Variants in ZNF558 observed in about 807,000 individuals in gnomAD.
ZNF558 encodes zinc finger protein 558.
ZNF558 carries 23 observed loss-of-function variants against 37.6 expected under a neutral mutation model. The ratio of observed to expected loss-of-function variants is 0.61; its 90% CI spans 0.44 to 0.87. ZNF558 has a LOEUF of 0.87. Among genes scored for constraint, ZNF558 ranks in the 40% least tolerant of loss-of-function variants. The pLI, the probability that ZNF558 is intolerant of heterozygous loss-of-function variation, is 0.00. For missense variants in ZNF558, 429 were observed against 483.7 expected, an observed-to-expected ratio of 0.89 and a Z score of 1.06; for synonymous variants, 189 against 174.4, an observed-to-expected ratio of 1.08 and a Z score of -0.66.
upstream of ZNF558, among the ~76,000 whole-genome samples, chr19:8,833,971 G>A (rs2044422411): frequency 6.6e-6 from 1 of 151,568 alleles, no homozygotes; most frequent in Non-Finnish European, 1.5e-5. Flanking sequence ...CCCGGGTGAC[G>A]AGCAAGACTC....
At chr19:8,820,782 T>G (rs1266763660) in intron 7 of ZNF558, among the ~76,000 whole-genome samples, 2 of 152,206 alleles carry the variant, frequency 1.3e-5, no homozygotes, top group Non-Finnish European at 2.9e-5. Context: ...GGCCCATAGC[T>G]AAGTTTTTAA....
At chr19:8,818,074 T>G (rs1050269127) in intron 7 of ZNF558, among the ~76,000 whole-genome samples, 4 of 152,190 alleles carry the variant, frequency 2.6e-5, no homozygotes, top group African/African-American at 7.2e-5. Context: ...AGATTATATG[T>G]TAGGCTATAA....
chr19:8,825,586 A>G (rs1039413541), intron 2 of ZNF558, among the ~76,000 whole-genome samples: 1 of 150,680 alleles, frequency 6.6e-6, no homozygotes, highest in Admixed American at 6.5e-5. Context: ...TCCTTTCTCC[A>G]GATTTATAGA....
In ZNF558 at chr19:8,822,797, A is replaced by T; in HGVS notation, c.-65-73T>A. ...GGGCTGCTGGGGATGGGCCCTCCTC[A>T]ACCCATCCTTCCCATCCTTCTTCAA... On this transcript the variant is annotated intron_variant, in intron 4 of 9. Transcript: ENST00000601372. The surrounding 1 kb of genome is among the most constrained non-coding windows in gnomAD (Gnocchi z 4.4). 1 of 1,319,404 alleles carries T rather than the reference A, an allele frequency of 7.6e-7. No individual in the cohort carries two copies. Among genetic ancestry groups the T allele is most frequent in the Non-Finnish European group, 1.1e-6 (1 of 935,996 alleles). The allele number at this position is 1,319,404 out of a possible 1,614,324, so 81.7% of individuals were successfully genotyped here. A position where few individuals can be genotyped will look rare whatever the true frequency, so the allele number is the denominator to read the frequency against.
rs2145259152 is a variant in ZNF558, at chr19:8,822,610, T to C, written c.31+19A>G. 1 of 1,614,008 alleles carries C rather than the reference T, an allele frequency of 6.2e-7. No homozygotes were observed. Among genetic ancestry groups the C allele is most frequent in the Non-Finnish European group, 8.5e-7 (1 of 1,179,956 alleles). On this transcript the variant is annotated intron_variant, in intron 5 of 9. Coordinates refer to ENST00000601372, the MANE Select transcript of ZNF558 (RefSeq NM_144693.3). The surrounding 1 kb of genome is among the most constrained non-coding windows in gnomAD (Gnocchi z 4.4). ...TTTCAAGGCTGGACTCTGAGAAATG[T>C]CAGGACCCCACGACTCACCAGCAGT... is the stretch of plus-strand genomic sequence containing the variant.
At position 8,831,335 on chromosome 19, in the gene ZNF558, CACA is replaced by C. The variant is rs1210881445; in HGVS notation, c.-529_-527del. 5 of 151,928 alleles carry C rather than the reference CACA, an allele frequency of 3.3e-5. No homozygotes were observed. The highest frequency in any genetic ancestry group is 4.4e-5 in the Non-Finnish European group (3 of 68,018). The allele number at this position is 151,928 out of a possible 1,614,324, so 9.4% of individuals were successfully genotyped here. ...GTACTCACCTGGTCACCCAAAAACC[CACA>C]ACAACAGGTGGACCTTGTGGCAGGC... On this transcript the variant is annotated 5_prime_UTR_variant, in exon 2 of 10. Transcript: ENST00000601372.
intron 2 of ZNF558, among the ~76,000 whole-genome samples, chr19:8,828,905 G>A (rs1481010459): frequency 2.0e-5 from 3 of 151,082 alleles, no homozygotes; most frequent in Non-Finnish European, 2.9e-5. Flanking sequence ...AGACGTTGCA[G>A]TGAGCTGAGA....
chr19:8,816,884 C>T (rs1292147605), intron 7 of ZNF558, among the ~76,000 whole-genome samples: 1 of 151,970 alleles, frequency 6.6e-6, no homozygotes, highest in Non-Finnish European at 1.5e-5. Context: ...CAATTTGTGA[C>T]AAAATTACTA....
In ZNF558 at chr19:8,811,779, T is replaced by C; in HGVS notation, c.711A>G (p.Glu237=). 6.2e-7 allele frequency: 1 copy of C among 1,614,154 alleles called. No homozygotes were observed. The highest frequency in any genetic ancestry group is 8.5e-7 in the Non-Finnish European group (1 of 1,180,018). Residue 237 remains glutamate, a synonymous_variant, in exon 10 of 10, where the codon GAA becomes GAG. Coordinates refer to ENST00000601372, the MANE Select transcript of ZNF558 (RefSeq NM_144693.3). The part of the protein sequence containing the change: ...LRIHTGEKPY[E]CNQCFHVFRT... The stretch of plus-strand genomic sequence containing the variant: ...GGAAAACGTGAAAACACTGGTTACA[T>C]TCATAGGGTTTTTCTCCAGTGTGAA...
At chr19:8,833,125 T>G (rs918499624), upstream of ZNF558, 14 of 152,170 alleles carry the variant, frequency 9.2e-5, no homozygotes, top group African/African-American at 3.4e-4. Context: ...ATGATGTGGG[T>G]GGGTTGGGAT....
At chr19:8,815,835 A>G (rs1183694107) in intron 7 of ZNF558, among the ~76,000 whole-genome samples, 1 of 152,018 alleles carries the variant, frequency 6.6e-6, no homozygotes, top group Non-Finnish European at 1.5e-5. Context: ...GAGTTTTAAA[A>G]AAGATGAACA....
chr19:8,829,004 G>GT (rs1040522686), intron 2 of ZNF558, among the ~76,000 whole-genome samples: 8 of 150,318 alleles, frequency 5.3e-5, no homozygotes, highest in Non-Finnish European at 1.2e-4. Context: ...GCTCATGCCT[G>GT]TATCATCTCA....
chr19:8,835,052 T>G (rs1328300390), upstream of ZNF558, among the ~76,000 whole-genome samples: 2 of 152,004 alleles, frequency 1.3e-5, no homozygotes, highest in Admixed American at 1.3e-4. Context: ...CAAAGAGTTT[T>G]TTTTTTTTTT....
rs1322269443 is a variant in ZNF558 at position 8,808,757 on chromosome 19, G to C, written c.*2524C>G. Reference sequence around the variant, plus strand: ...CAACAGATCATGTTGGCTTCAATCAGTTAGGGGTTTCTTTTTTTAAAAATA... The same window carrying C: ...CAACAGATCATGTTGGCTTCAATCACTTAGGGGTTTCTTTTTTTAAAAATA... On this transcript the variant is annotated 3_prime_UTR_variant, in exon 10 of 10. Coordinates refer to ENST00000601372, the MANE Select transcript of ZNF558 (RefSeq NM_144693.3). 1 of 152,094 alleles carries C rather than the reference G, an allele frequency of 6.6e-6. No homozygotes were observed. Among genetic ancestry groups the C allele is most frequent in the African/African-American group, 2.4e-5 (1 of 41,418 alleles). 9.4% of individuals were successfully genotyped at this position (152,094 alleles called of 1,614,324 possible). A position where few individuals can be genotyped will look rare whatever the true frequency, so the allele number is the denominator to read the frequency against.
chr19:8,836,330 G>A (rs1018337663), upstream of ZNF558, among the ~76,000 whole-genome samples: 3 of 151,888 alleles, frequency 2.0e-5, no homozygotes, highest in African/African-American at 7.3e-5. Flanking sequence ...AAAAATGTGA[G>A]TTCTTCTCTT....
rs542973458 is a variant in ZNF558, at chr19:8,821,728, G to A, written c.120+275C>T. ...TTCCGTGGCGTTTATTAATTGCTTG[G>A]GTTTAGAACATCATCACGTCTTTAC... On this transcript the variant is annotated intron_variant, in intron 6 of 9. Coordinates refer to ENST00000601372, the MANE Select transcript of ZNF558 (RefSeq NM_144693.3). 8.4e-6 allele frequency: 11 copies of A among 1,317,218 alleles called. No homozygotes were observed. The African/African-American group carries it at 1.3e-4, about 16-fold the overall frequency. The allele number at this position is 1,317,218 out of a possible 1,614,324, so 81.6% of individuals were successfully genotyped here. A position where few individuals can be genotyped will look rare whatever the true frequency, so the allele number is the denominator to read the frequency against.
At chr19:8,836,547 A>C (rs1466388201), upstream of ZNF558, among the ~76,000 whole-genome samples, 1 of 150,454 alleles carries the variant, frequency 6.6e-6, no homozygotes, top group Non-Finnish European at 1.5e-5. Flanking sequence ...GCTGGAGTGC[A>C]GTGGTGCAAA....
At chr19:8,814,870 A>G (rs1394356260) in intron 7 of ZNF558, among the ~76,000 whole-genome samples, 9 of 152,212 alleles carry the variant, frequency 5.9e-5, no homozygotes, top group African/African-American at 1.9e-4. Context: ...ACTATTGTAT[A>G]TTCTAACAGG....
chr19:8,813,134 G>T lies in ZNF558; in HGVS notation c.336C>A (p.Thr112=). Residue 112 remains threonine (T), a synonymous_variant, in exon 8 of 10, where the codon ACC becomes ACA. Coordinates refer to ENST00000601372, the MANE Select transcript of ZNF558 (RefSeq NM_144693.3). ...VTEERGILPS[T]CPDLETLLKA... ...TATCCACCTGGTGCTCACCTGGACA[G>T]GTGCTTGGTAGAATTCCTCTTTCCT... 1 of 1,586,512 alleles carries T rather than the reference G, an allele frequency of 6.3e-7. No homozygotes were observed. The highest frequency in any genetic ancestry group is 2.3e-5 in the East Asian group (1 of 44,328).
Sources: allele counts gnomAD v4.1 joint callset (sites outside exome capture counted in the v4.1 genomes callset), GRCh38; gene constraint gnomAD v4.1.1; non-coding constraint Gnocchi (gnomAD v3.1); transcripts MANE v1.5; gene names NCBI Gene and HGNC (gene_info 2026-07-23, HGNC 2026-07-21).